The following ABCC2 variants were observed in gnomAD, a reference collection of about 807,000 sequenced individuals.
ABCC2 encodes ATP binding cassette subfamily C member 2.
In ABCC2, 157 loss-of-function variants were observed where a neutral mutation model predicts 173.4. The observed-to-expected ratio is 0.91, with a 90% CI of 0.80 to 1.03. The LOEUF (loss-of-function observed/expected upper bound fraction) is 1.03. ABCC2 is among the 50% of genes least tolerant of loss of function. The pLI is 0.00. For missense variants in ABCC2, 1,822 were observed against 1,852.3 expected, an observed-to-expected ratio of 0.98 and a Z score of 0.30; for synonymous variants, 657 against 693.5, an observed-to-expected ratio of 0.95 and a Z score of 0.83.
At chr10:99,841,856 T>C in intron 25 of ABCC2, 111 bp from the exon 26 acceptor site, 1 of 1,466,536 alleles carries the variant, frequency 6.8e-7, no homozygotes, top group East Asian at 2.3e-5. Context: ...TGCCTAAGAG[T>C]GCGGCCCGAT....
In ABCC2 at chr10:99,844,324, A is replaced by G. The variant is rs1243218432; in HGVS notation, c.3846A>G (p.Ala1282=). The G allele has an allele frequency of 2.5e-6, 4 of 1,614,012 alleles. No homozygotes were observed. In the Admixed American group the frequency reaches 6.7e-5, roughly 27 times the overall value. ...TTCTCATCTTGTCTCCTTGCCAGGCACCCTGGGTGACTGATAAGAGGCCTC... is the reference window on the plus strand; with the variant it reads ...TTCTCATCTTGTCTCCTTGCCAGGCGCCCTGGGTGACTGATAAGAGGCCTC... ...ITEYTKVENE[A]PWVTDKRPPP... is the part of the protein sequence containing the mutation. The change falls in exon 28 of 32, where the codon GCA becomes GCG. Residue 1282 remains alanine, a splice_region_variant and synonymous_variant. Coordinates refer to ENST00000647814, the MANE Select transcript of ABCC2 (RefSeq NM_000392.5).
At chr10:99,795,785 A>T (rs149407124) in intron 6 of ABCC2, among the ~76,000 whole-genome samples, 7,600 of 133,562 alleles carry the variant, frequency 0.057, 393 homozygotes, top group African/African-American at 0.085. Flanking sequence ...GAAAGAAAGA[A>T]AGAAAGAAAG....
At position 99,847,105 on chromosome 10, in the gene ABCC2, ACAGAGG is replaced by A. The variant is rs2039029351; in HGVS notation, c.4293_4298del (p.Glu1432_Ala1433del). 6.2e-7 allele frequency: 1 copy of A among 1,614,022 alleles called. No homozygotes were observed. The highest frequency in any genetic ancestry group is 1.1e-5 in the South Asian group (1 of 91,092). ...GCAACTTGGGTTATCCCACGAAGTG[ACAGAGG>A]CTGGTGGCAACCTGAGGTAATGTTC... On this transcript the variant is annotated inframe_deletion, in exon 30 of 32. Transcript: ENST00000647814.
chr10:99,834,900 G>A (rs946028764), intron 24 of ABCC2, among the ~76,000 whole-genome samples: 4 of 152,244 alleles, frequency 2.6e-5, no homozygotes, highest in African/African-American at 9.6e-5. Flanking sequence ...TTCCAGAAGA[G>A]CCATGCTATG....
intron 16 of ABCC2, among the ~76,000 whole-genome samples, chr10:99,814,766 T>C (rs1326862502): frequency 0.015 from 2,012 of 133,052 alleles, 68 homozygotes; most frequent in African/African-American, 0.047. Flanking sequence ...CACACACATA[T>C]ATGTGTGTGT....
At chr10:99,850,500 G>A (rs2039072684) in intron 30 of ABCC2, 102 bp from the exon 31 acceptor site, 3 of 1,143,534 alleles carry the variant, frequency 2.6e-6, no homozygotes, top group Middle Eastern at 2.8e-4. Flanking sequence ...TTTTGGAGGG[G>A]GGGTTTTGAA....
intron 2 of ABCC2, among the ~76,000 whole-genome samples, chr10:99,787,633 T>G (rs2037739411): frequency 1.3e-5 from 2 of 152,216 alleles, no homozygotes; most frequent in Non-Finnish European, 2.9e-5. Context: ...ACTAACGCAA[T>G]TGTTTTTTTA....
Position 99,813,109 on chromosome 10 carries a change from G to A in ABCC2, c.2059G>A (p.Glu687Lys). ...CTCCTTGATATCAGCCATGCTGGGA[G>A]AAATGGAAAATGTCCACGGGCACAT... ...KSSLISAMLG[E>K]MENVHGHITI... Residue 687 changes from glutamate to lysine, a missense_variant, in exon 16 of 32, where the codon GAA becomes AAA. Glu to Lys is a moderately conservative substitution (Grantham distance 56, BLOSUM62 1). Transcript: ENST00000647814. 2 of 1,614,082 alleles carry A rather than the reference G, an allele frequency of 1.2e-6. No homozygotes were observed. The highest frequency in any genetic ancestry group is 1.7e-6 in the Non-Finnish European group (2 of 1,179,928).
chr10:99,784,194 G>A (rs954620764), intron 1 of ABCC2, among the ~76,000 whole-genome samples: 8 of 152,030 alleles, frequency 5.3e-5, no homozygotes, highest in Admixed American at 1.3e-4. Flanking sequence ...CCTGCATGGC[G>A]CCTGCATGTT....
chr10:99,807,618 T>G, intron 12 of ABCC2, 97 bp downstream of exon 12: 39 of 1,550,268 alleles, frequency 2.5e-5, no homozygotes, highest in Non-Finnish European at 3.2e-5. Flanking sequence ...CTGGCATCTC[T>G]AGGCCTGACC....
chr10:99,817,481 G>A lies in ABCC2; in HGVS notation c.2268G>A (p.Glu756=). ...GAGGAGATTTGGCTGAGATTGGAGAGAAGGTACTTGGGATAACAAGGGATC... is the reference window on the plus strand; with the variant it reads ...GAGGAGATTTGGCTGAGATTGGAGAAAAGGTACTTGGGATAACAAGGGATC... ...LPGGDLAEIG[E]KGINLSGGQK... The change falls in exon 17 of 32, where the codon GAG becomes GAA. Residue 756 remains glutamate, a synonymous_variant. Transcript: ENST00000647814. The A allele has an allele frequency of 1.9e-6, 3 of 1,614,148 alleles. No individual in the cohort carries two copies. Among genetic ancestry groups the A allele is most frequent in the Non-Finnish European group, 2.5e-6 (3 of 1,180,014 alleles).
At chr10:99,833,918 C>T (rs145115307) in intron 23 of ABCC2, among the ~76,000 whole-genome samples, 2 of 152,322 alleles carry the variant, frequency 1.3e-5, no homozygotes, top group African/African-American at 4.8e-5. Context: ...TCACATGACA[C>T]GAAGGCAACA....
chr10:99,784,644 C>T lies in ABCC2; in HGVS notation c.70C>T (p.Pro24Ser), dbSNP rs762628115. 1.1e-5 allele frequency: 17 copies of T among 1,614,088 alleles called. No homozygotes were observed. In the South Asian group the frequency reaches 1.8e-4, roughly 17 times the overall value. ...SFLDSPEADL[P>S]LCFEQTVLVW... ...CCTGGACAGTCCGGAGGCAGACCTG[C>T]CACTTTGTTTTGAGCAAACTGTTCT... The change falls in exon 2 of 32, where the codon CCA (proline) becomes TCA (serine). Residue 24 changes from proline (P) to serine (S), a missense_variant. Coordinates refer to ENST00000647814, the MANE Select transcript of ABCC2 (RefSeq NM_000392.5).
chr10:99,851,437 C>T (rs2039086622), intron 31 of ABCC2, 65 bp from the exon 32 acceptor site: 1 of 1,600,314 alleles, frequency 6.2e-7, no homozygotes, highest in Non-Finnish European at 8.6e-7. Context: ...CCTGGTTATT[C>T]TTATAAATGC....
chr10:99,814,202 T>C (rs2038287092), intron 16 of ABCC2, among the ~76,000 whole-genome samples: 1 of 83,020 alleles, frequency 1.2e-5, no homozygotes, highest in Non-Finnish European at 2.6e-5. Context: ...CATGTGTATA[T>C]ATACACACAT....
In ABCC2 at chr10:99,834,515, ATTAT is replaced by A; in HGVS notation, c.3399_3402del (p.Ile1133MetfsTer15). Reference sequence around the variant, plus strand: ...CACCATCATCGTCATTCCTCTTGGCATTATTTATGTATCTGTTCAGGTAGGTTTG... The same window carrying A: ...CACCATCATCGTCATTCCTCTTGGCATTATGTATCTGTTCAGGTAGGTTTG... On this transcript the variant is annotated frameshift_variant, in exon 24 of 32. Coordinates refer to ENST00000647814, the MANE Select transcript of ABCC2 (RefSeq NM_000392.5). LOFTEE classifies it high-confidence loss of function. 6.2e-7 allele frequency: 1 copy of A among 1,614,102 alleles called. No individual in the cohort carries two copies. The highest frequency in any genetic ancestry group is 1.7e-5 in the Admixed American group (1 of 60,018).
chr10:99,817,113 T>A (rs1446319213), intron 16 of ABCC2, among the ~76,000 whole-genome samples, 195 bp from the exon 17 acceptor site: 2 of 152,202 alleles, frequency 1.3e-5, no homozygotes, highest in Non-Finnish European at 2.9e-5. Context: ...GGGCTTTTAA[T>A]GGTGAAGAGG....
At chr10:99,821,608 C>T (rs1466777578) in intron 19 of ABCC2, among the ~76,000 whole-genome samples, 1 of 152,198 alleles carries the variant, frequency 6.6e-6, no homozygotes, top group Non-Finnish European at 1.5e-5. Context: ...GCACATCTTG[C>T]ACCACCCTTA....
In ABCC2 at chr10:99,814,280, TGTATAC is replaced by T. The variant is rs1260723679; in HGVS notation, c.2094+1137_2094+1142del. ...ATACACACGTATGTATACACACGTA[TGTATAC>T]ACACACGTATGTATACACACATGTA... On this transcript the variant is annotated intron_variant, in intron 16 of 31. Coordinates refer to ENST00000647814, the MANE Select transcript of ABCC2 (RefSeq NM_000392.5). Among the ~76,000 whole-genome samples, 28 of 77,404 alleles carry T rather than the reference TGTATAC, an allele frequency of 3.6e-4. 4 individuals are homozygous for T. The highest frequency in any genetic ancestry group is 1.6e-3 in the African/African-American group (26 of 16,622). The allele number at this position is 77,404 out of a possible 152,430, so 50.8% of individuals were successfully genotyped here.
Sources: gnomAD v4.1 joint callset for allele counts (sites outside exome capture counted in the v4.1 genomes callset) on GRCh38, gnomAD v4.1.1 for gene constraint, MANE v1.5 for transcripts, NCBI Gene and HGNC (gene_info 2026-07-23, HGNC 2026-07-21) for gene names.